Variants in MAP3K7CL observed in about 807,000 individuals in gnomAD.
The protein encoded by MAP3K7CL is MAP3K7 C-terminal like.
Under a neutral mutation model 18.6 loss-of-function variants are expected in MAP3K7CL, and 16 were observed. The observed-to-expected ratio is 0.86, with a 90% CI of 0.58 to 1.31. The LOEUF (loss-of-function observed/expected upper bound fraction) is 1.31, where lower values mean the gene tolerates loss of function less well. Among genes scored for constraint, MAP3K7CL ranks in the 50% most tolerant of loss-of-function variants. The pLI, the probability that MAP3K7CL is intolerant of heterozygous loss-of-function variation, is 0.00. For synonymous variants in MAP3K7CL, 65 were observed against 66.8 expected (o/e 0.97, Z 0.13); for missense variants, 163 against 174.4 (o/e 0.93, Z 0.37).
At chr21:29,119,999 A>G (rs1432384220) in intron 4 of MAP3K7CL, among the ~76,000 whole-genome samples, 1 of 152,156 alleles carries the variant, frequency 6.6e-6, no homozygotes, top group African/African-American at 2.4e-5. Context: ...GTTTGGTCAG[A>G]TATGGAACTT....
chr21:29,123,560 A>G (rs1230933782), intron 4 of MAP3K7CL, among the ~76,000 whole-genome samples: 1 of 152,246 alleles, frequency 6.6e-6, no homozygotes, highest in Non-Finnish European at 1.5e-5. Flanking sequence ...AATTTGCAAA[A>G]AAAGAGGGAG....
chr21:29,175,453 A>G lies in MAP3K7CL; in HGVS notation c.*561A>G, dbSNP rs1004314719. 1 of 152,244 alleles carries G rather than the reference A, an allele frequency of 6.6e-6. No individual in the cohort carries two copies. The highest frequency in any genetic ancestry group is 1.5e-5 in the Non-Finnish European group (1 of 68,056). 9.4% of individuals were successfully genotyped at this position (152,244 alleles called of 1,614,324 possible). A position where few individuals can be genotyped will look rare whatever the true frequency, so the allele number is the denominator to read the frequency against. ...TTATACTAAGAATAAATGGTCACAT[A>G]TCCTAAAAGCTTCTTCATGAAATTA... On this transcript the variant is annotated 3_prime_UTR_variant, in exon 5 of 5. Transcript: ENST00000399928.
At chr21:29,115,977 T>C (rs1040024142) in intron 4 of MAP3K7CL, among the ~76,000 whole-genome samples, 8 of 152,224 alleles carry the variant, frequency 5.3e-5, no homozygotes, top group Non-Finnish European at 2.9e-5. Context: ...ACGCAGTGAA[T>C]TGGTGGTAAA....
upstream of MAP3K7CL, chr21:29,085,792 A>C (rs1354983073): frequency 1.3e-6 from 2 of 1,515,660 alleles, no homozygotes; most frequent in Non-Finnish European, 1.8e-6. Flanking sequence ...ATGCAGAATC[A>C]TAACTCTCTA....
intron 1 of MAP3K7CL, chr21:29,131,220 G>C (rs560045857): frequency 2.0e-5 from 3 of 152,320 alleles, no homozygotes; most frequent in African/African-American, 7.2e-5. Context: ...AACCATACCA[G>C]AGGACTATTT....
At chr21:29,142,330 G>C (rs2087027880) in intron 2 of MAP3K7CL, among the ~76,000 whole-genome samples, 1 of 152,174 alleles carries the variant, frequency 6.6e-6, no homozygotes, top group Non-Finnish European at 1.5e-5. Context: ...GCCTCCTAAA[G>C]TGCTGGAATT....
rs756065806 is a variant in MAP3K7CL at position 29,159,927 on chromosome 21, T to C, written c.133-14T>C. 17 of 1,604,044 alleles carry C rather than the reference T, an allele frequency of 1.1e-5. No individual in the cohort carries two copies. Among genetic ancestry groups the C allele is most frequent in the Admixed American group, 1.7e-5 (1 of 59,592 alleles). ...GCAAAGAAATGGACTAATTTCTTCT[T>C]GTTGTTTGTGAAGCCCCTGCCGCCT... is the stretch of plus-strand genomic sequence containing the variant. On this transcript the variant is annotated splice_polypyrimidine_tract_variant and intron_variant, in intron 3 of 4. Coordinates refer to ENST00000399928, the MANE Select transcript of MAP3K7CL (RefSeq NM_001286620.2).
intron 4 of MAP3K7CL, among the ~76,000 whole-genome samples, chr21:29,092,814 A>G (rs1441121796): frequency 2.0e-5 from 3 of 152,246 alleles, no homozygotes; most frequent in Non-Finnish European, 4.4e-5. Flanking sequence ...GAGAAAGACT[A>G]TTCCTGAGTT....
intron 4 of MAP3K7CL, among the ~76,000 whole-genome samples, chr21:29,124,853 T>G (rs2086656936): frequency 6.6e-6 from 1 of 152,254 alleles, no homozygotes; most frequent in Non-Finnish European, 1.5e-5. Context: ...TCCATTTGCA[T>G]ATTGTCTATG....
chr21:29,081,497 G>C (rs942686051), upstream of MAP3K7CL, among the ~76,000 whole-genome samples: 3 of 152,228 alleles, frequency 2.0e-5, no homozygotes, highest in Non-Finnish European at 2.9e-5. Flanking sequence ...AGTTGGCAGT[G>C]AGCCGAGATC....
chr21:29,126,453 TTTTG>T (rs1047156009), upstream of MAP3K7CL, among the ~76,000 whole-genome samples: 20 of 152,230 alleles, frequency 1.3e-4, no homozygotes, highest in Non-Finnish European at 2.5e-4. Flanking sequence ...CTTTCTGTTT[TTTTG>T]TTTGTTTGTT....
intron 3 of MAP3K7CL, among the ~76,000 whole-genome samples, chr21:29,151,313 C>T (rs1056809956): frequency 3.3e-5 from 5 of 151,588 alleles, no homozygotes; most frequent in African/African-American, 1.2e-4. Flanking sequence ...AAAAATTAGC[C>T]AGGTGTGGTG....
In MAP3K7CL at chr21:29,174,747, A is replaced by C; in HGVS notation, c.284A>C (p.Lys95Thr). The stretch of plus-strand genomic sequence containing the variant: ...ATTGCCAAGTTAGATCAGGCAGAAA[A>C]GGAGAAGGTGGATGCTGCTGAGCTG... Reference protein sequence around the residue: ...ELIAKLDQAEKEKVDAAELVR... With the variant: ...ELIAKLDQAETEKVDAAELVR... Residue 95 changes from lysine (K) to threonine (T), a missense_variant, in exon 5 of 5, where the codon AAG becomes ACG. By Grantham distance (78) the Lys-to-Thr change is moderately conservative (BLOSUM62 -1). Coordinates refer to ENST00000399928, the MANE Select transcript of MAP3K7CL (RefSeq NM_001286620.2). The C allele has an allele frequency of 6.2e-7, 1 of 1,614,150 alleles. No homozygotes were observed. The highest frequency in any genetic ancestry group is 8.5e-7 in the Non-Finnish European group (1 of 1,180,010).
intron 4 of MAP3K7CL, among the ~76,000 whole-genome samples, chr21:29,161,493 A>T (rs1296241274): frequency 1.3e-5 from 2 of 152,128 alleles, no homozygotes; most frequent in Non-Finnish European, 2.9e-5. Flanking sequence ...ATTATATCTT[A>T]TATTTATAAA....
intron 3 of MAP3K7CL, among the ~76,000 whole-genome samples, chr21:29,149,547 T>A (rs904897182): frequency 1.3e-5 from 2 of 152,196 alleles, no homozygotes; most frequent in Admixed American, 1.3e-4. Context: ...TACTTCGATA[T>A]GGCTGTCTCT....
upstream of MAP3K7CL, among the ~76,000 whole-genome samples, chr21:29,084,506 A>C (rs1194883342): frequency 1.3e-5 from 2 of 152,126 alleles, no homozygotes; most frequent in African/African-American, 4.8e-5. Context: ...CCCTGTTCTT[A>C]ATGTTTTGGC....
rs150111013 is a variant in MAP3K7CL, at chr21:29,116,153, T to C, written c.370+23572T>C. ...GGCGACGGGTAGTTCATGAGTTTTG[T>C]TTTTATTCGTTATTTCTATTTCCAG... is the stretch of plus-strand genomic sequence containing the variant. On this transcript the variant is annotated intron_variant, in intron 4 of 6. Transcript: ENST00000286791. Among the ~76,000 whole-genome samples, 793 of 152,340 alleles carry C rather than the reference T, an allele frequency of 5.2e-3. 7 individuals are homozygous for C. The highest frequency in any genetic ancestry group is 0.018 in the African/African-American group (756 of 41,582).
chr21:29,173,099 G>T (rs556294467), intron 4 of MAP3K7CL, among the ~76,000 whole-genome samples: 1 of 152,094 alleles, frequency 6.6e-6, no homozygotes, highest in Non-Finnish European at 1.5e-5. Context: ...TAAAACAGGG[G>T]TTCAAAACTG....
At chr21:29,173,392 AT>A (rs2087889795) in intron 4 of MAP3K7CL, among the ~76,000 whole-genome samples, 2 of 152,342 alleles carry the variant, frequency 1.3e-5, no homozygotes, top group South Asian at 4.1e-4. Flanking sequence ...GTTGGTTTAT[AT>A]TTAAAAATAC....
Sources: gnomAD v4.1 joint callset for allele counts (sites outside exome capture counted in the v4.1 genomes callset) on GRCh38, gnomAD v4.1.1 for gene constraint, MANE v1.5 for transcripts, NCBI Gene and HGNC (gene_info 2026-07-23, HGNC 2026-07-21) for gene names.